GTF3C2: variants seen among roughly 807,000 people sequenced by gnomAD.
The protein encoded by GTF3C2 is general transcription factor 3C polypeptide 2.
In GTF3C2, 17 loss-of-function variants were observed where a neutral mutation model predicts 117.4. That is an observed-to-expected ratio of 0.14 (90% CI 0.10 to 0.22). The LOEUF (loss-of-function observed/expected upper bound fraction) is 0.22. GTF3C2 is among the 10% of genes least tolerant of loss of function. The pLI is 1.00. For missense variants in GTF3C2, 888 were observed against 1,143.6 expected (o/e 0.78, Z 3.22); for synonymous variants, 437 against 427.0 (o/e 1.02, Z -0.29).
chr2:27,356,128 T>G (rs1165416627), intron 1 of GTF3C2: 2 of 1,287,526 alleles, frequency 1.6e-6, no homozygotes, highest in Non-Finnish European at 1.0e-6. Context: ...TCCGACGGAG[T>G]TGAAGTCGCC....
At chr2:27,342,381 G>T in intron 3 of GTF3C2, 148 bp from the exon 4 acceptor site, 1 of 660,214 alleles carries the variant, frequency 1.5e-6, no homozygotes, top group African/African-American at 1.8e-5. Context: ...CCCCTTGGAA[G>T]ATGAAAAACC....
Position 27,329,496 on chromosome 2 carries a change from G to GT in GTF3C2, c.1759dup (p.Thr587AsnfsTer2). The GT allele has an allele frequency of 6.2e-7, 1 of 1,614,104 alleles. No individual in the cohort carries two copies. Among genetic ancestry groups the GT allele is most frequent in the Non-Finnish European group, 8.5e-7 (1 of 1,179,980 alleles). On this transcript the variant is annotated frameshift_variant, in exon 13 of 19. Transcript: ENST00000264720. LOFTEE classifies it high-confidence loss of function. This position sits in a 1 kb window ranked among gnomAD's most constrained non-coding sequence, Gnocchi z 4.5. ...CCGTATCCGCTGCAGGGGTGAGTTAGTGGGAAGGTTCCAGAAAACCACCAT... is the reference window on the plus strand; with the variant it reads ...CCGTATCCGCTGCAGGGGTGAGTTAGTTGGGAAGGTTCCAGAAAACCACCAT...
exon 5 of GTF3C2, chr2:27,338,013 T>G (rs867771946): frequency 1.9e-6 from 3 of 1,605,142 alleles, no homozygotes; most frequent in Admixed American, 1.7e-5. Flanking sequence ...GCAGTGTGGT[T>G]TCTGTTTCTG....
At chr2:27,350,150 A>G (rs1407497726) in intron 1 of GTF3C2, among the ~76,000 whole-genome samples, 3 of 152,152 alleles carry the variant, frequency 2.0e-5, no homozygotes, top group African/African-American at 4.8e-5. Flanking sequence ...GCTCAGTTGC[A>G]TAGAACAGAA....
At chr2:27,352,946 TAC>T (rs909345453) in intron 1 of GTF3C2, among the ~76,000 whole-genome samples, 8 of 152,362 alleles carry the variant, frequency 5.3e-5, no homozygotes, top group African/African-American at 1.7e-4. Flanking sequence ...CTCAATTTTT[TAC>T]AGTTGTCTCA....
At chr2:27,347,135 A>T (rs1680944656) in intron 1 of GTF3C2, among the ~76,000 whole-genome samples, 1 of 152,174 alleles carries the variant, frequency 6.6e-6, no homozygotes, top group Non-Finnish European at 1.5e-5. Context: ...AACCTAAGCA[A>T]CACAGAACTC....
At chr2:27,333,108 A>C (rs1680335330) in intron 12 of GTF3C2, among the ~76,000 whole-genome samples, 1 of 151,592 alleles carries the variant, frequency 6.6e-6, no homozygotes, top group African/African-American at 2.4e-5. Flanking sequence ...TTGGCCACCC[A>C]AAGTACTGGA....
intron 12 of GTF3C2, among the ~76,000 whole-genome samples, chr2:27,330,318 C>T (rs754085729): frequency 2.0e-4 from 31 of 151,352 alleles, no homozygotes; most frequent in Non-Finnish European, 3.4e-4. Context: ...AAAAAATTAG[C>T]CAGTGTGGTG....
chr2:27,354,109 C>T (rs1424782236), intron 1 of GTF3C2, among the ~76,000 whole-genome samples: 2 of 148,654 alleles, frequency 1.3e-5, no homozygotes, highest in African/African-American at 5.0e-5. Context: ...AATCCTGTCT[C>T]AACAACAACA....
chr2:27,353,313 C>T (rs1374429170), intron 1 of GTF3C2, among the ~76,000 whole-genome samples: 1 of 148,864 alleles, frequency 6.7e-6, no homozygotes, highest in Admixed American at 6.7e-5. Flanking sequence ...GAATTGCTTG[C>T]AGGAGGTTGC....
In GTF3C2 at chr2:27,333,954, G is replaced by A; in HGVS notation, c.1602+20C>T. The A allele has an allele frequency of 6.3e-7, 1 of 1,592,312 alleles. No individual in the cohort carries two copies. Among genetic ancestry groups the A allele is most frequent in the Admixed American group, 1.7e-5 (1 of 59,940 alleles). On this transcript the variant is annotated intron_variant, in intron 11 of 18. Transcript: ENST00000264720. ...CTAAGAAGATGGAGCCTCAGCTAAG[G>A]TAGCAGGTTCCTCACTCACCTTATA...
intron 3 of GTF3C2, 35 bp downstream of exon 3, chr2:27,342,791 C>G: frequency 5.3e-6 from 8 of 1,521,302 alleles, no homozygotes; most frequent in Non-Finnish European, 7.3e-6. Context: ...CTTCACCCAA[C>G]CCCCCTCCAC....
chr2:27,338,927 T>C (rs1216102749), intron 4 of GTF3C2, among the ~76,000 whole-genome samples: 1 of 152,152 alleles, frequency 6.6e-6, no homozygotes, highest in Non-Finnish European at 1.5e-5. Flanking sequence ...CTCAGCCTCC[T>C]GAGTAGCTTG....
Position 27,342,815 on chromosome 2 carries a change from A to T in GTF3C2, c.569+11T>A, listed in dbSNP as rs748031611. The stretch of plus-strand genomic sequence containing the variant: ...ACCCCCCTCCACCAAGCTATGCCCC[A>T]CAATCCTTACACTTGGGCAGCCCTT... On this transcript the variant is annotated intron_variant, in intron 3 of 18. Transcript: ENST00000264720. 1 of 1,606,916 alleles carries T rather than the reference A, an allele frequency of 6.2e-7. No individual in the cohort carries two copies. The highest frequency in any genetic ancestry group is 1.1e-5 in the South Asian group (1 of 90,576).
intron 4 of GTF3C2, 153 bp from the exon 5 acceptor site, chr2:27,338,173 C>G: frequency 1.6e-6 from 1 of 642,860 alleles, no homozygotes; most frequent in African/African-American, 1.8e-5. Context: ...GTGTTTCAAC[C>G]ACTATAATGA....
At chr2:27,342,086 C>T (rs1403375159) in exon 4 of GTF3C2, 1 of 1,614,160 alleles carries the variant, frequency 6.2e-7, no homozygotes, top group Non-Finnish European at 8.5e-7. Context: ...GAGCACCATC[C>T]ACCTCTTCTC....
At chr2:27,350,636 CA>C (rs34264490) in intron 1 of GTF3C2, 4 of 322,520 alleles carry the variant, frequency 1.2e-5, no homozygotes, top group Non-Finnish European at 1.8e-5. Flanking sequence ...TTTGTCTCTG[CA>C]AAAAAATTTT....
chr2:27,333,533 A>G, intron 12 of GTF3C2, 122 bp downstream of exon 12: 1 of 609,772 alleles, frequency 1.6e-6, no homozygotes, highest in Non-Finnish European at 2.8e-6. Context: ...TTTTTTTTAC[A>G]TTGCTTGAAT....
chr2:27,327,876 T>G (rs1488613596), intron 17 of GTF3C2, among the ~76,000 whole-genome samples, 161 bp downstream of exon 17: 1 of 152,206 alleles, frequency 6.6e-6, no homozygotes, highest in Non-Finnish European at 1.5e-5. Context: ...TCTGCCCGCC[T>G]AATCCCCCCA....
Sources: gnomAD v4.1 joint callset for allele counts (sites outside exome capture counted in the v4.1 genomes callset) on GRCh38, gnomAD v4.1.1 for gene constraint, Gnocchi (gnomAD v3.1) non-coding constraint, MANE v1.5 for transcripts, NCBI Gene and HGNC (gene_info 2026-07-23, HGNC 2026-07-21) for gene names.